Variants in MAGT1 observed in about 807,000 individuals in gnomAD.
MAGT1 encodes the protein dolichyl-diphosphooligosaccharide--protein glycosyltransferase subunit MAGT1.
In MAGT1, 4 loss-of-function variants were observed where a neutral mutation model predicts 28.4. The ratio of observed to expected loss-of-function variants is 0.14; its 90% CI spans 0.07 to 0.32. MAGT1 has a LOEUF of 0.32. MAGT1 is among the 10% of genes least tolerant of loss of function. The pLI, the probability that MAGT1 is intolerant of heterozygous loss-of-function variation, is 1.00. For synonymous variants in MAGT1, 89 were observed against 89.7 expected, an observed-to-expected ratio of 0.99 and a Z score of 0.04; for missense variants, 193 against 264.5, an observed-to-expected ratio of 0.73 and a Z score of 1.88.
intron 8 of MAGT1, among the ~76,000 whole-genome samples, chrX:77,834,612 G>T (rs2076911240): frequency 9.1e-6 from 1 of 110,460 alleles, no homozygotes; most frequent in Non-Finnish European, 1.9e-5. Context: ...GGGATTACAG[G>T]TGTGAGTCAC....
chrX:77,869,864 A>C (rs1557217190), intron 3 of MAGT1, among the ~76,000 whole-genome samples: 1 of 112,065 alleles, frequency 8.9e-6, no homozygotes, highest in Non-Finnish European at 1.9e-5. Flanking sequence ...AACTCAAAGT[A>C]GAACTACTAT....
chrX:77,838,328 G>T (rs1460234113), intron 8 of MAGT1, among the ~76,000 whole-genome samples: 1 of 109,938 alleles, frequency 9.1e-6, no homozygotes, highest in African/African-American at 3.3e-5. Context: ...GTGGTGGCAT[G>T]AGCCTGTGGT....
chrX:77,859,996 G>A (rs1462838876), intron 3 of MAGT1, among the ~76,000 whole-genome samples: 1 of 112,382 alleles, frequency 8.9e-6, no homozygotes, highest in African/African-American at 3.2e-5. Context: ...GATGGGTGAA[G>A]ACTGTACTTT....
chrX:77,845,298 T>A (rs1161828501), intron 7 of MAGT1, among the ~76,000 whole-genome samples: 3 of 111,576 alleles, frequency 2.7e-5, no homozygotes, highest in African/African-American at 9.8e-5. Context: ...GCTTGGTAGA[T>A]CTTCCTCCAT....
chrX:77,842,687 C>T (rs1017520680), intron 7 of MAGT1, among the ~76,000 whole-genome samples: 3 of 109,884 alleles, frequency 2.7e-5, no homozygotes, highest in Non-Finnish European at 5.7e-5. Flanking sequence ...ATTAGCCGGG[C>T]GTGGTGGCAG....
chrX:77,858,962 C>T (rs973213120), intron 3 of MAGT1, among the ~76,000 whole-genome samples: 13 of 111,766 alleles, frequency 1.2e-4, no homozygotes, highest in Non-Finnish European at 1.9e-4. Flanking sequence ...GTAATCCCAG[C>T]ACTTTGGGAG....
intron 2 of MAGT1, among the ~76,000 whole-genome samples, chrX:77,873,637 C>T (rs781892855): frequency 2.7e-5 from 3 of 111,523 alleles, no homozygotes; most frequent in African/African-American, 9.7e-5. Flanking sequence ...AGATTAGTCT[C>T]CATCTCCAAG....
At chrX:77,834,247 T>C (rs1569547811) in intron 8 of MAGT1, among the ~76,000 whole-genome samples, 2 of 62,386 alleles carry the variant, frequency 3.2e-5, no homozygotes, top group Non-Finnish European at 4.0e-5. Flanking sequence ...TATATATGCA[T>C]ATATATACAT....
intron 7 of MAGT1, among the ~76,000 whole-genome samples, chrX:77,842,901 G>A (rs782295351): frequency 1.6e-4 from 18 of 112,354 alleles, no homozygotes; most frequent in African/African-American, 5.5e-4. Context: ...AATAGGAGCT[G>A]CATAAATACA....
In MAGT1 at chrX:77,856,831, A is replaced by G. The variant is rs976521781; in HGVS notation, c.574T>C (p.Leu192=). ...RPPNYAGPLM[L]GLLLAVIGGL... Reference sequence around the variant, plus strand: ...CCAATAACAGCCAAAAGCAATCCCAACATAAGGGGACCAGCATAATTTGGG... The same window carrying G: ...CCAATAACAGCCAAAAGCAATCCCAGCATAAGGGGACCAGCATAATTTGGG... The change falls in exon 5 of 10, where the codon TTG becomes CTG. Residue 192 remains leucine, a synonymous_variant. Coordinates refer to ENST00000618282, the MANE Select transcript of MAGT1 (RefSeq NM_001367916.1). The G allele has an allele frequency of 4.1e-6, 5 of 1,204,958 alleles. No individual in the cohort carries two copies. The South Asian group carries it at 5.3e-5, about 13-fold the overall frequency.
intron 1 of MAGT1, among the ~76,000 whole-genome samples, chrX:77,889,879 TATTC>T (rs1427928432): frequency 8.9e-6 from 1 of 112,191 alleles, no homozygotes; most frequent in Admixed American, 9.5e-5. Context: ...CAGTAGGTCT[TATTC>T]ATTATGTTTT....
rs1043016216 is a variant in MAGT1 at position 77,828,812 on chromosome X, C to T, written c.*408G>A. ...TCCTAATGTAGTTATCTGTAACAGG[C>T]ATATGTGGGAACACCTGGTCAGGAC... On this transcript the variant is annotated 3_prime_UTR_variant, in exon 10 of 10. Transcript: ENST00000618282. The T allele has an allele frequency of 1.5e-5, 2 of 134,013 alleles. No individual in the cohort carries two copies. Among genetic ancestry groups the T allele is most frequent in the Non-Finnish European group, 2.9e-5 (2 of 67,888 alleles). The allele number at this position is 134,013 out of a possible 1,213,427, so 11.0% of individuals were successfully genotyped here. A position where few individuals can be genotyped will look rare whatever the true frequency, so the allele number is the denominator to read the frequency against.
chrX:77,845,507 T>C (rs1377665706), intron 7 of MAGT1, among the ~76,000 whole-genome samples: 19 of 111,871 alleles, frequency 1.7e-4, no homozygotes, highest in Non-Finnish European at 3.0e-4. Flanking sequence ...TTTTGCTCGT[T>C]AGTTGATGCA....
intron 8 of MAGT1, chrX:77,837,455 T>C (rs1221488830): frequency 9.0e-6 from 1 of 111,057 alleles, no homozygotes; most frequent in Non-Finnish European, 1.9e-5. Flanking sequence ...AAATTCATTT[T>C]TTTAGAGATT....
At chrX:77,846,011 A>T (rs1290071402) in intron 7 of MAGT1, among the ~76,000 whole-genome samples, 1 of 111,818 alleles carries the variant, frequency 8.9e-6, no homozygotes, top group African/African-American at 3.2e-5. Flanking sequence ...GTTCTCCTGG[A>T]TAATATCCTG....
intron 1 of MAGT1, chrX:77,885,655 A>G (rs2077065996): frequency 9.1e-6 from 1 of 110,419 alleles, no homozygotes; most frequent in Admixed American, 9.7e-5. Flanking sequence ...AATAACTGGG[A>G]CTACAAGTAT....
rs782293471 is a variant in MAGT1, at chrX:77,827,334, C to T, written c.*1886G>A. 1 of 111,688 alleles carries T rather than the reference C, an allele frequency of 9.0e-6. No homozygotes were observed. The highest frequency in any genetic ancestry group is 2.8e-4 in the East Asian group (1 of 3,584). 9.2% of individuals were successfully genotyped at this position (111,688 alleles called of 1,213,427 possible). A position where few individuals can be genotyped will look rare whatever the true frequency, so the allele number is the denominator to read the frequency against. ...AGGAAGAGAATAAAGACTAAAATAA[C>T]AGCAAAACATAGAACAGCTTTCGAG... On this transcript the variant is annotated 3_prime_UTR_variant, in exon 10 of 10. Transcript: ENST00000618282.
At chrX:77,840,653 G>A (rs1237891870) in intron 8 of MAGT1, among the ~76,000 whole-genome samples, 1 of 111,177 alleles carries the variant, frequency 9.0e-6, no homozygotes, top group Non-Finnish European at 1.9e-5. Context: ...GGCCAGCCTG[G>A]GCAAAGTGAC....
chrX:77,842,965 T>C (rs1474720364), intron 7 of MAGT1, among the ~76,000 whole-genome samples: 1 of 112,335 alleles, frequency 8.9e-6, no homozygotes, highest in Non-Finnish European at 1.9e-5. Flanking sequence ...AATATTAAAA[T>C]AAGCAAGTTC....
Sources: gnomAD v4.1 joint callset for allele counts (sites outside exome capture counted in the v4.1 genomes callset) on GRCh38, gnomAD v4.1.1 for gene constraint, MANE v1.5 for transcripts, NCBI Gene and HGNC (gene_info 2026-07-23, HGNC 2026-07-21) for gene names.